SAMD12: variants seen among roughly 807,000 people sequenced by gnomAD.
The protein encoded by SAMD12 is sterile alpha motif domain containing 12, also known as sterile alpha motif domain-containing protein 12.
Under a neutral mutation model 15.0 loss-of-function variants are expected in SAMD12, and 9 were observed. The observed-to-expected ratio is 0.60, with a 90% CI of 0.36 to 1.05. The LOEUF (loss-of-function observed/expected upper bound fraction) is 1.05, where lower values mean the gene tolerates loss of function less well. Among genes scored for constraint, SAMD12 ranks in the 50% least tolerant of loss-of-function variants. SAMD12 has a pLI of 0.01. For missense variants in SAMD12, 230 were observed against 234.2 expected (o/e 0.98, Z 0.12); for synonymous variants, 86 against 90.1 (o/e 0.96, Z 0.25).
chr8:118,289,348 G>C (rs1051117658), intron 4 of SAMD12, among the ~76,000 whole-genome samples: 1 of 152,128 alleles, frequency 6.6e-6, no homozygotes, highest in African/African-American at 2.4e-5. Flanking sequence ...GGTTCAAAGA[G>C]AGACACCTGC....
chr8:118,486,220 C>T (rs901301993), intron 2 of SAMD12, among the ~76,000 whole-genome samples: 3 of 151,956 alleles, frequency 2.0e-5, no homozygotes, highest in South Asian at 2.1e-4. Flanking sequence ...AGAGACCATC[C>T]TGGCTAACAC....
chr8:118,206,163 C>G (rs184913155), intron 4 of SAMD12, among the ~76,000 whole-genome samples: 1 of 152,288 alleles, frequency 6.6e-6, no homozygotes, highest in Non-Finnish European at 1.5e-5. Flanking sequence ...GTCTCCATTT[C>G]CAATGATTCA....
intron 2 of SAMD12, among the ~76,000 whole-genome samples, chr8:118,474,547 T>A (rs1823900856): frequency 8.1e-6 from 1 of 123,928 alleles, no homozygotes; most frequent in Admixed American, 7.5e-5. Context: ...TGCCCAGCTA[T>A]TTTTTTTTTT....
At chr8:118,280,408 G>T (rs1813591046) in intron 4 of SAMD12, among the ~76,000 whole-genome samples, 1 of 152,158 alleles carries the variant, frequency 6.6e-6, no homozygotes, top group Admixed American at 6.6e-5. Context: ...CATGGGCAGG[G>T]ATAAGCTTGA....
At chr8:118,552,528 T>C (rs1826372057) in intron 2 of SAMD12, among the ~76,000 whole-genome samples, 1 of 152,180 alleles carries the variant, frequency 6.6e-6, no homozygotes, top group Non-Finnish European at 1.5e-5. Context: ...GGACGACGTA[T>C]TTCAAAATAA....
intron 4 of SAMD12, among the ~76,000 whole-genome samples, chr8:118,363,329 T>A (rs1204136273): frequency 6.6e-6 from 1 of 152,134 alleles, no homozygotes; most frequent in Admixed American, 6.6e-5. Context: ...ACATTAGAAT[T>A]GGTAAATAGA....
chr8:118,369,322 T>G (rs1818959712), intron 4 of SAMD12, among the ~76,000 whole-genome samples: 1 of 152,190 alleles, frequency 6.6e-6, no homozygotes, highest in Admixed American at 6.5e-5. Flanking sequence ...ATTCCCTATT[T>G]AATAAACGGT....
chr8:118,384,562 A>G (rs992328789), intron 3 of SAMD12, among the ~76,000 whole-genome samples: 1 of 152,144 alleles, frequency 6.6e-6, no homozygotes, highest in Non-Finnish European at 1.5e-5. Flanking sequence ...GACATCAGAG[A>G]TGACTCACAT....
intron 2 of SAMD12, among the ~76,000 whole-genome samples, chr8:118,456,324 G>A (rs969733780): frequency 1.3e-5 from 2 of 152,136 alleles, no homozygotes; most frequent in Admixed American, 1.3e-4. Flanking sequence ...CGTCTTCCTT[G>A]ATCATGTAAT....
At chr8:118,173,633 C>CTT in the SAMD12 span, among the ~76,000 whole-genome samples, 543 of 139,288 alleles carry the variant, frequency 3.9e-3, 3 homozygotes, top group East Asian at 0.026. Flanking sequence ...ATATCCATAA[C>CTT]TTTTTTTTTT....
chr8:118,239,524 A>G (rs1812520322), intron 4 of SAMD12, among the ~76,000 whole-genome samples: 2 of 152,108 alleles, frequency 1.3e-5, no homozygotes, highest in South Asian at 2.1e-4. Flanking sequence ...AGGTTACACA[A>G]CCTTAATGGG....
At chr8:118,472,029 T>G (rs1823811731) in intron 2 of SAMD12, among the ~76,000 whole-genome samples, 1 of 152,130 alleles carries the variant, frequency 6.6e-6, no homozygotes, top group Non-Finnish European at 1.5e-5. Context: ...GGCTCACGCC[T>G]GTAATCCCAG....
chr8:118,303,395 T>C (rs1009914773), intron 4 of SAMD12, among the ~76,000 whole-genome samples: 1 of 152,152 alleles, frequency 6.6e-6, no homozygotes, highest in African/African-American at 2.4e-5. Context: ...AGAAGACAGT[T>C]CTGGAATGGA....
chr8:118,207,378 A>ATT (rs11405290), intron 4 of SAMD12, among the ~76,000 whole-genome samples: 377 of 150,288 alleles, frequency 2.5e-3, no homozygotes, highest in Non-Finnish European at 3.2e-3. Flanking sequence ...CAGTGATTCC[A>ATT]TTTTTTTTTT....
chr8:118,431,473 A>G (rs4548208), intron 3 of SAMD12, among the ~76,000 whole-genome samples: 88,523 of 151,722 alleles, frequency 0.58, 26,737 homozygotes, highest in Admixed American at 0.66. Context: ...GCCTTTCCTT[A>G]CTTTTCTTTT....
intron 2 of SAMD12, among the ~76,000 whole-genome samples, chr8:118,500,607 G>T (rs1203076682): frequency 6.6e-6 from 1 of 151,798 alleles, no homozygotes; most frequent in Non-Finnish European, 1.5e-5. Flanking sequence ...GGAGTTCAAG[G>T]CCAGCCCGGT....
At position 118,602,137 on chromosome 8, in the gene SAMD12, G is replaced by GA. The variant is rs111552508; in HGVS notation, c.13+19666dup. Among the ~76,000 whole-genome samples, 74 of 151,122 alleles carry GA rather than the reference G, an allele frequency of 4.9e-4. No individual in the cohort carries two copies. In the South Asian group the frequency reaches 0.014, roughly 28 times the overall value. On this transcript the variant is annotated intron_variant, in intron 1 of 3. Transcript: ENST00000314727. ...ATAATACCTCCTAACTGCCAAATAG[G>GA]AAAAAAAAATATGCTTGCCCCAAGA...
chr8:118,259,503 C>T (rs949604048), intron 4 of SAMD12, among the ~76,000 whole-genome samples: 3 of 151,990 alleles, frequency 2.0e-5, no homozygotes, highest in South Asian at 2.1e-4. Flanking sequence ...ACCCTAAGTG[C>T]GCACAGTGAT....
intron 2 of SAMD12, among the ~76,000 whole-genome samples, chr8:118,543,623 C>CTTTTTTT (rs1338070047): frequency 8.0e-6 from 1 of 125,056 alleles, no homozygotes; most frequent in African/African-American, 3.9e-5. Flanking sequence ...TCTTTTCTTT[C>CTTTTTTT]TTTCTTTCTT....
Sources: allele counts gnomAD v4.1 joint callset (sites outside exome capture counted in the v4.1 genomes callset), GRCh38; gene constraint gnomAD v4.1.1; transcripts MANE v1.5; gene names NCBI Gene and HGNC (gene_info 2026-07-23, HGNC 2026-07-21).